Variants in TLCD4 observed in about 807,000 individuals in gnomAD.
The protein encoded by TLCD4 is TLC domain containing 4.
TLCD4 carries 7 observed loss-of-function variants against 24.2 expected under a neutral mutation model. The ratio of observed to expected loss-of-function variants is 0.29; its 90% CI spans 0.16 to 0.54. The LOEUF is 0.54. Ranked by LOEUF, TLCD4 falls within the 20% of genes least tolerant of loss-of-function variation. TLCD4 has a pLI of 0.95. For missense variants in TLCD4, 259 were observed against 313.9 expected (o/e 0.82, Z 1.32); for synonymous variants, 103 against 106.4 (o/e 0.97, Z 0.20).
At chr1:95,119,263 T>G (rs944985668) in intron 1 of TLCD4, among the ~76,000 whole-genome samples, 3 of 152,220 alleles carry the variant, frequency 2.0e-5, no homozygotes, top group Admixed American at 1.3e-4. Context: ...GTCTTCTGAA[T>G]AGGTCCTGGA....
chr1:95,156,032 A>G (rs947969178), intron 5 of TLCD4, among the ~76,000 whole-genome samples: 2 of 151,350 alleles, frequency 1.3e-5, no homozygotes, highest in African/African-American at 2.4e-5. Context: ...GATGTTGGTA[A>G]AAAAAAAATT....
intron 1 of TLCD4, among the ~76,000 whole-genome samples, chr1:95,141,861 CAT>C (rs142308259): frequency 0.16 from 24,249 of 147,248 alleles, 2,086 homozygotes; most frequent in Non-Finnish European, 0.19. Flanking sequence ...TCATTATAGA[CAT>C]ATGAATTCTG....
rs115869582 is a variant in TLCD4, at chr1:95,181,910, C to T, written c.473+8021C>T. Among the ~76,000 whole-genome samples, 469 of 152,264 alleles carry T rather than the reference C, an allele frequency of 3.1e-3. 4 individuals carry two copies. Among genetic ancestry groups the T allele is most frequent in the African/African-American group, 0.011 (444 of 41,550 alleles). ...CTGGGATTACAGGTGTGAGCCACCG[C>T]ACCTGGCAGGCCTTCAATCTTTTAC... On this transcript the variant is annotated intron_variant, in intron 6 of 6. Transcript: ENST00000370203.
chr1:95,114,953 T>G (rs1240883325), upstream of TLCD4, among the ~76,000 whole-genome samples: 1 of 151,936 alleles, frequency 6.6e-6, no homozygotes, highest in Non-Finnish European at 1.5e-5. Flanking sequence ...AATTCGGTCT[T>G]TATACATCCC....
chr1:95,126,866 C>T (rs577877349), intron 1 of TLCD4, among the ~76,000 whole-genome samples: 2 of 152,238 alleles, frequency 1.3e-5, no homozygotes, highest in South Asian at 4.1e-4. Context: ...TTCTCTTTGT[C>T]AGCAGTTGGC....
chr1:95,143,635 A>G (rs1677266107), intron 1 of TLCD4, among the ~76,000 whole-genome samples: 1 of 152,160 alleles, frequency 6.6e-6, no homozygotes, highest in African/African-American at 2.4e-5. Flanking sequence ...ATAATTTTGA[A>G]TATCATGATG....
intron 6 of TLCD4, among the ~76,000 whole-genome samples, chr1:95,184,856 G>A (rs1237473814): frequency 6.6e-6 from 1 of 152,158 alleles, no homozygotes; most frequent in African/African-American, 2.4e-5. Context: ...TTCTGCCATG[G>A]AAGAGGGAGG....
chr1:95,150,164 C>T (rs762475654), intron 3 of TLCD4, 44 bp from the exon 4 acceptor site: 6 of 1,577,010 alleles, frequency 3.8e-6, no homozygotes, highest in Non-Finnish European at 4.3e-6. Context: ...TAGCGGTCAT[C>T]TACAATCTAT....
chr1:95,142,783 C>G (rs1432451878), intron 1 of TLCD4, among the ~76,000 whole-genome samples: 1 of 152,104 alleles, frequency 6.6e-6, no homozygotes. Flanking sequence ...AACCCCGTCT[C>G]TACTAAAAAT....
chr1:95,167,029 C>T (rs1314624895), intron 5 of TLCD4, among the ~76,000 whole-genome samples: 2 of 152,036 alleles, frequency 1.3e-5, no homozygotes, highest in Non-Finnish European at 2.9e-5. Context: ...GCCACTGTAC[C>T]TAGTTCTTTT....
chr1:95,165,529 G>A (rs1292525441), intron 5 of TLCD4, among the ~76,000 whole-genome samples: 1 of 149,684 alleles, frequency 6.7e-6, no homozygotes, highest in Non-Finnish European at 1.5e-5. Context: ...GCAATGGCGT[G>A]ATCTTGGCTC....
intron 6 of TLCD4, among the ~76,000 whole-genome samples, chr1:95,176,571 A>T (rs1246910689): frequency 1.3e-5 from 2 of 152,228 alleles, no homozygotes; most frequent in Non-Finnish European, 2.9e-5. Context: ...CATGATTTGG[A>T]AATATTTTCA....
chr1:95,166,988 A>G (rs996634457), intron 5 of TLCD4, among the ~76,000 whole-genome samples: 1 of 151,710 alleles, frequency 6.6e-6, no homozygotes, highest in Non-Finnish European at 1.5e-5. Flanking sequence ...TCCTGCCTCA[A>G]CCTCCTAAAG....
intron 1 of TLCD4, among the ~76,000 whole-genome samples, chr1:95,118,671 T>C (rs1430561613): frequency 1.3e-5 from 2 of 152,164 alleles, no homozygotes; most frequent in Non-Finnish European, 2.9e-5. Context: ...TGCCAGCGCA[T>C]GGTGTCGATT....
At chr1:95,104,683 G>A in the TLCD4 span, among the ~76,000 whole-genome samples, 3 of 87,374 alleles carry the variant, frequency 3.4e-5, no homozygotes, top group Admixed American at 2.5e-4. Context: ...AAAAAAAAGC[G>A]TTTAACATGC....
intron 1 of TLCD4, among the ~76,000 whole-genome samples, chr1:95,126,665 A>C (rs999215003): frequency 1.3e-5 from 2 of 152,210 alleles, no homozygotes; most frequent in Non-Finnish European, 2.9e-5. Flanking sequence ...GCTTGCCAGC[A>C]TGGCTGGTAG....
chr1:95,197,571 GA>G lies in TLCD4; in HGVS notation c.*5710del, dbSNP rs1018172102. The stretch of plus-strand genomic sequence containing the variant: ...GTGGTGCAAAGCTTTGTATTTTGTG[GA>G]AAAAAACAATAAAATCACAATTATT... On this transcript the variant is annotated 3_prime_UTR_variant, in exon 7 of 7. Transcript: ENST00000370203. The G allele has an allele frequency of 6.6e-6, 1 of 151,840 alleles. No individual in the cohort carries two copies. The highest frequency in any genetic ancestry group is 1.5e-5 in the Non-Finnish European group (1 of 67,984). 9.4% of individuals were successfully genotyped at this position (151,840 alleles called of 1,614,324 possible).
chr1:95,143,768 ATTC>A (rs1169040100), intron 1 of TLCD4, 120 bp from the exon 2 acceptor site: 9 of 962,308 alleles, frequency 9.4e-6, no homozygotes, highest in Middle Eastern at 3.7e-4. Context: ...TATAGTTTAT[ATTC>A]TTAACATTTG....
At chr1:95,115,209 C>T (rs1486458441), upstream of TLCD4, among the ~76,000 whole-genome samples, 5 of 151,524 alleles carry the variant, frequency 3.3e-5, no homozygotes, top group South Asian at 4.2e-4. Flanking sequence ...CAGGTTCAAG[C>T]GATTTTCCTA....
Sources: gnomAD v4.1 joint callset for allele counts (sites outside exome capture counted in the v4.1 genomes callset) on GRCh38, gnomAD v4.1.1 for gene constraint, MANE v1.5 for transcripts, NCBI Gene and HGNC (gene_info 2026-07-23, HGNC 2026-07-21) for gene names.